EIF3B: variants seen among roughly 807,000 people sequenced by gnomAD.
EIF3B encodes the protein eukaryotic translation initiation factor 3 subunit 9.
In EIF3B, 10 loss-of-function variants were observed where a neutral mutation model predicts 104.6. The observed-to-expected ratio is 0.10, with a 90% CI of 0.06 to 0.16. The LOEUF is 0.16. Among genes scored for constraint, EIF3B ranks in the 10% least tolerant of loss-of-function variants. EIF3B has a pLI of 1.00. For missense variants in EIF3B, 1,014 were observed against 1,087.9 expected, an observed-to-expected ratio of 0.93 and a Z score of 0.96; for synonymous variants, 542 against 417.2, an observed-to-expected ratio of 1.30 and a Z score of -3.65.
In EIF3B at chr7:2,379,389, C is replaced by T; in HGVS notation, c.2342-5C>T. Reference sequence around the variant, plus strand: ...ATGGGTGATCTGCGCCCTTTGTCCCCTCAGGGGTGGACACTGACGAGCTGG... The same window carrying T: ...ATGGGTGATCTGCGCCCTTTGTCCCTTCAGGGGTGGACACTGACGAGCTGG... On this transcript the variant is annotated splice_polypyrimidine_tract_variant and splice_region_variant and intron_variant, in intron 17 of 18. Transcript: ENST00000360876. 2 of 1,583,048 alleles carry T rather than the reference C, an allele frequency of 1.3e-6. No individual in the cohort carries two copies. The highest frequency in any genetic ancestry group is 2.3e-5 in the East Asian group (1 of 43,632).
chr7:2,373,124 A>G (rs948799392), intron 12 of EIF3B: 1 of 190,530 alleles, frequency 5.2e-6, no homozygotes, highest in East Asian at 1.3e-4. Flanking sequence ...CTGTGGACAT[A>G]CTCCTGCCAG....
chr7:2,367,118 AAC>A, intron 9 of EIF3B, 73 bp downstream of exon 9: 23 of 1,227,600 alleles, frequency 1.9e-5, no homozygotes, highest in East Asian at 4.8e-5. Flanking sequence ...AAAAAAAAAA[AAC>A]ACAATACCAT....
At chr7:2,370,564 A>G (rs1199879145) in intron 10 of EIF3B, among the ~76,000 whole-genome samples, 1 of 152,178 alleles carries the variant, frequency 6.6e-6, no homozygotes, top group African/African-American at 2.4e-5. Flanking sequence ...ATTGACATGT[A>G]GTTCACATGC....
chr7:2,377,311 G>A (rs1452001854), intron 15 of EIF3B, among the ~76,000 whole-genome samples: 1 of 152,220 alleles, frequency 6.6e-6, no homozygotes, highest in Non-Finnish European at 1.5e-5. Context: ...CCCGAGGGGT[G>A]GATAAAAAGA....
intron 5 of EIF3B, 120 bp from the exon 6 acceptor site, chr7:2,364,252 T>TC: frequency 1.1e-6 from 1 of 920,628 alleles, no homozygotes; most frequent in Admixed American, 2.7e-5. Context: ...ACAGCGAGAC[T>TC]CCGTCTCAAA....
Position 2,374,696 on chromosome 7 carries a change from TAGAG to T in EIF3B, c.1889+95_1889+98del, listed in dbSNP as rs1291559969. The stretch of plus-strand genomic sequence containing the variant: ...CAGGCGCCTGCACCCGGCTTCTTGG[TAGAG>T]AGAGTATTGTGCGCTGAAAGGGTTG... On this transcript the variant is annotated intron_variant, in intron 13 of 18. Transcript: ENST00000360876. The T allele has an allele frequency of 3.3e-6, 4 of 1,221,182 alleles. No homozygotes were observed. The African/African-American group carries it at 6.0e-5, about 18-fold the overall frequency. 75.6% of individuals were successfully genotyped at this position (1,221,182 alleles called of 1,614,324 possible). A position where few individuals can be genotyped will look rare whatever the true frequency, so the allele number is the denominator to read the frequency against.
chr7:2,358,515 A>G (rs538441399), intron 1 of EIF3B, among the ~76,000 whole-genome samples: 1 of 152,146 alleles, frequency 6.6e-6, no homozygotes, highest in Non-Finnish European at 1.5e-5. Flanking sequence ...CATATTTAGT[A>G]TGTTGGAATT....
In EIF3B at chr7:2,355,263, C is replaced by T. The variant is rs959783942; in HGVS notation, c.342C>T (p.Asp114=). The T allele has an allele frequency of 6.3e-5, 97 of 1,530,860 alleles. No individual in the cohort carries two copies. The highest frequency in any genetic ancestry group is 7.5e-5 in the Non-Finnish European group (86 of 1,145,478). 94.8% of individuals were successfully genotyped at this position (1,530,860 alleles called of 1,614,324 possible). Residue 114 remains aspartate, a synonymous_variant, in exon 1 of 19, where the codon GAC becomes GAT. Transcript: ENST00000360876. ...QGEAPGEQAR[D]ERSDSRAQAV... ...AGGCCCCAGGAGAGCAGGCTCGGGA[C>T]GAGCGCTCCGACAGCCGGGCCCAGG...
At chr7:2,372,073 G>A (rs1780373322) in intron 11 of EIF3B, 1 of 507,412 alleles carries the variant, frequency 2.0e-6, no homozygotes. Context: ...CAGGTGTGGT[G>A]GTGCGCACCG....
At chr7:2,359,789 G>A (rs1007029657) in intron 1 of EIF3B, among the ~76,000 whole-genome samples, 4 of 152,172 alleles carry the variant, frequency 2.6e-5, no homozygotes, top group African/African-American at 9.6e-5. Context: ...GGTAGATAGT[G>A]TCTGAATTGG....
intron 18 of EIF3B, 108 bp from the exon 19 acceptor site, chr7:2,380,096 G>A (rs530873888): frequency 1.7e-4 from 52 of 309,756 alleles, no homozygotes; most frequent in South Asian, 1.2e-3. Flanking sequence ...CTCTGTGGCC[G>A]GGGTGGCTCC....
intron 11 of EIF3B, 150 bp from the exon 12 acceptor site, chr7:2,372,523 T>C: frequency 1.1e-6 from 1 of 935,250 alleles, no homozygotes; most frequent in South Asian, 1.8e-5. Flanking sequence ...TGTGCACCTT[T>C]CCTGCTGTTG....
intron 4 of EIF3B, among the ~76,000 whole-genome samples, chr7:2,363,383 T>C (rs1431923175): frequency 1.0e-5 from 1 of 97,338 alleles, no homozygotes; most frequent in Non-Finnish European, 2.6e-5. Context: ...CACTTGAGCC[T>C]GGGAGGTTGA....
At chr7:2,366,048 A>G (rs73045207) in intron 6 of EIF3B, among the ~76,000 whole-genome samples, 2,310 of 152,066 alleles carry the variant, frequency 0.015, 24 homozygotes, top group South Asian at 0.025. Context: ...ACACTGCGCC[A>G]CCCTCTGGAT....
At chr7:2,365,192 C>T (rs1779940073) in intron 6 of EIF3B, among the ~76,000 whole-genome samples, 1 of 152,254 alleles carries the variant, frequency 6.6e-6, no homozygotes, top group African/African-American at 2.4e-5. Flanking sequence ...CTCAAGTGAT[C>T]TCCTGCCTTG....
intron 9 of EIF3B, among the ~76,000 whole-genome samples, chr7:2,367,824 A>AATT (rs1562484077): frequency 6.0e-4 from 61 of 101,712 alleles, no homozygotes; most frequent in Admixed American, 7.8e-4. Context: ...CTTTTTTTAA[A>AATT]ATTTTTTTTT....
intron 9 of EIF3B, among the ~76,000 whole-genome samples, chr7:2,367,510 G>T (rs185888797): frequency 1.3e-5 from 2 of 152,082 alleles, no homozygotes; most frequent in Non-Finnish European, 2.9e-5. Flanking sequence ...GTCTCGCTCC[G>T]TCAGGCTGGA....
At chr7:2,362,910 C>A (rs1248634735) in intron 3 of EIF3B, 146 bp downstream of exon 3, 3 of 1,435,604 alleles carry the variant, frequency 2.1e-6, no homozygotes, top group African/African-American at 1.4e-5. Flanking sequence ...ATTTCACAGC[C>A]CTGCCCCACA....
intron 16 of EIF3B, 162 bp downstream of exon 16, chr7:2,378,928 C>A: frequency 1.3e-6 from 1 of 770,222 alleles, no homozygotes; most frequent in Non-Finnish European, 2.1e-6. Flanking sequence ...CTGGGGTTGG[C>A]ACGGGGACTT....
Sources: gnomAD v4.1 joint callset for allele counts (sites outside exome capture counted in the v4.1 genomes callset) on GRCh38, gnomAD v4.1.1 for gene constraint, MANE v1.5 for transcripts, NCBI Gene and HGNC (gene_info 2026-07-23, HGNC 2026-07-21) for gene names.